Variants in CNNM2 observed in about 807,000 individuals in gnomAD.
The protein encoded by CNNM2 is metal transporter CNNM2.
A neutral mutation model predicts 66.9 loss-of-function variants in CNNM2; 12 were observed. The observed-to-expected ratio is 0.18, with a 90% CI of 0.11 to 0.29. The LOEUF (loss-of-function observed/expected upper bound fraction) is 0.29. Ranked by LOEUF, CNNM2 falls within the 10% of genes least tolerant of loss-of-function variation. The pLI is 1.00. For synonymous variants in CNNM2, 557 were observed against 501.8 expected (o/e 1.11, Z -1.47); for missense variants, 705 against 1,167.7 (o/e 0.60, Z 5.77).
intron 1 of CNNM2, among the ~76,000 whole-genome samples, chr10:102,967,404 TG>T (rs1163983356): frequency 3.3e-5 from 5 of 152,348 alleles, no homozygotes; most frequent in African/African-American, 1.2e-4. Flanking sequence ...GCTTTGTCCC[TG>T]GAAGTTTCCT....
At chr10:103,071,258 G>A (rs1040669678) in intron 5 of CNNM2, among the ~76,000 whole-genome samples, 1 of 152,160 alleles carries the variant, frequency 6.6e-6, no homozygotes, top group Non-Finnish European at 1.5e-5. Context: ...CTGTGTATGC[G>A]TTCTTTACTT....
chr10:102,976,611 ATT>A (rs66498944), intron 1 of CNNM2, among the ~76,000 whole-genome samples: 67 of 59,434 alleles, frequency 1.1e-3, no homozygotes, highest in African/African-American at 4.3e-3. Context: ...CGCCCAGGTA[ATT>A]TTTTTTTTTT....
intron 1 of CNNM2, among the ~76,000 whole-genome samples, chr10:103,022,613 G>T (rs886714383): frequency 1.3e-5 from 2 of 152,210 alleles, no homozygotes; most frequent in Non-Finnish European, 2.9e-5. Flanking sequence ...AGAGCTGGCT[G>T]TTAAACTTTT....
intron 1 of CNNM2, among the ~76,000 whole-genome samples, chr10:102,920,520 A>G (rs1209539571): frequency 2.0e-5 from 3 of 152,240 alleles, no homozygotes; most frequent in Middle Eastern, 3.4e-3. Context: ...GCATTTGGAA[A>G]ACATGTAACT....
intron 1 of CNNM2, among the ~76,000 whole-genome samples, chr10:103,012,514 G>A (rs1590393982): frequency 6.6e-6 from 1 of 152,122 alleles, no homozygotes; most frequent in South Asian, 2.1e-4. Flanking sequence ...CAGGCGTGGT[G>A]GTGGGTGCCT....
Position 102,999,519 on chromosome 10 carries a change from A to G in CNNM2, c.1622-50188A>G, listed in dbSNP as rs181981727. On this transcript the variant is annotated intron_variant, in intron 1 of 7. Transcript: ENST00000369878. ...TCTACAAACTAAAACATTAAAAGAA[A>G]TTAAAGACTCAAATGGAAAGCTGTG... Among the ~76,000 whole-genome samples the G allele has an allele frequency of 2.3e-3, 349 of 152,324 alleles. 4 individuals are homozygous for G. The highest frequency in any genetic ancestry group is 8.0e-3 in the African/African-American group (331 of 41,568).
chr10:102,955,938 C>T (rs1193512940), intron 1 of CNNM2, among the ~76,000 whole-genome samples: 3 of 152,048 alleles, frequency 2.0e-5, no homozygotes, highest in Non-Finnish European at 2.9e-5. Context: ...AGGTGGATCA[C>T]GAGGTCAGTT....
At chr10:102,973,939 A>G (rs150267709) in intron 1 of CNNM2, among the ~76,000 whole-genome samples, 7 of 151,918 alleles carry the variant, frequency 4.6e-5, no homozygotes, top group African/African-American at 1.7e-4. Context: ...CTTTCTGCTC[A>G]GCTTCTGTCA....
At chr10:103,063,731 C>A (rs1198982431) in intron 4 of CNNM2, among the ~76,000 whole-genome samples, 1 of 152,214 alleles carries the variant, frequency 6.6e-6, no homozygotes, top group Non-Finnish European at 1.5e-5. Context: ...TGAAGCCCTA[C>A]TTCCCTCTGG....
At chr10:102,944,021 C>A (rs1846520214) in intron 1 of CNNM2, among the ~76,000 whole-genome samples, 1 of 152,020 alleles carries the variant, frequency 6.6e-6, no homozygotes, top group Non-Finnish European at 1.5e-5. Flanking sequence ...AGAAAATTAA[C>A]CTACAATTAA....
chr10:103,053,547 T>A (rs1301876035), intron 2 of CNNM2, among the ~76,000 whole-genome samples: 1 of 152,122 alleles, frequency 6.6e-6, no homozygotes, highest in Admixed American at 6.5e-5. Context: ...AGAAGAACAA[T>A]TACTTTGTGA....
At chr10:103,061,711 A>G (rs1337560507) in intron 4 of CNNM2, among the ~76,000 whole-genome samples, 8 of 152,232 alleles carry the variant, frequency 5.3e-5, no homozygotes, top group Admixed American at 5.2e-4. Context: ...ACTTGTTAAC[A>G]TTGATGTAGA....
At chr10:103,028,892 G>A (rs550953702) in intron 1 of CNNM2, among the ~76,000 whole-genome samples, 105 of 145,212 alleles carry the variant, frequency 7.2e-4, no homozygotes, top group Non-Finnish European at 1.2e-3. Context: ...ATGTGATATC[G>A]GCTCACTGCA....
chr10:103,032,207 T>C (rs1430185712), intron 1 of CNNM2, among the ~76,000 whole-genome samples: 1 of 152,142 alleles, frequency 6.6e-6, no homozygotes, highest in East Asian at 1.9e-4. Context: ...CCCAGCACTT[T>C]GGGAGGCCGA....
At position 103,049,870 on chromosome 10, in the gene CNNM2, T is replaced by C. The variant is rs761339505; in HGVS notation, c.1765+20T>C. On this transcript the variant is annotated intron_variant, in intron 2 of 7. Transcript: ENST00000369878. ...TATACAGTAAGTAGCATTGTCTGAG[T>C]GTATTTCCCGAAACCTTTGCTTTTT... 6.2e-7 allele frequency: 1 copy of C among 1,608,420 alleles called. No individual in the cohort carries two copies. Among genetic ancestry groups the C allele is most frequent in the South Asian group, 1.1e-5 (1 of 90,352 alleles).
At chr10:102,948,468 A>G (rs141933749) in intron 1 of CNNM2, among the ~76,000 whole-genome samples, 6 of 152,290 alleles carry the variant, frequency 3.9e-5, no homozygotes, top group Middle Eastern at 3.4e-3. Flanking sequence ...CTGAAAGATG[A>G]TTAGTGTGGC....
At chr10:102,977,187 T>C (rs2063647966) in intron 1 of CNNM2, among the ~76,000 whole-genome samples, 1 of 152,240 alleles carries the variant, frequency 6.6e-6, no homozygotes, top group African/African-American at 2.4e-5. Context: ...TATTATTTAC[T>C]CTCATGGATG....
chr10:103,072,054 T>C (rs2065593148), intron 6 of CNNM2, among the ~76,000 whole-genome samples: 1 of 152,162 alleles, frequency 6.6e-6, no homozygotes, highest in Non-Finnish European at 1.5e-5. Flanking sequence ...AAAGTCACCA[T>C]GCACAGGAGT....
chr10:102,968,106 A>G (rs1331417620), intron 1 of CNNM2, among the ~76,000 whole-genome samples: 3 of 131,774 alleles, frequency 2.3e-5, no homozygotes, highest in Non-Finnish European at 5.1e-5. Context: ...TCTGGGTCAT[A>G]TAGTAAGAAT....
Sources: allele counts gnomAD v4.1 joint callset (sites outside exome capture counted in the v4.1 genomes callset), GRCh38; gene constraint gnomAD v4.1.1; transcripts MANE v1.5; gene names NCBI Gene and HGNC (gene_info 2026-07-23, HGNC 2026-07-21).